MREG: variants seen among roughly 807,000 people sequenced by gnomAD.
MREG encodes the protein dilute suppressor protein homolog.
Under a neutral mutation model 28.5 loss-of-function variants are expected in MREG, and 31 were observed. The ratio of observed to expected loss-of-function variants is 1.09; its 90% confidence interval spans 0.82 to 1.47. The LOEUF (loss-of-function observed/expected upper bound fraction) is 1.47, where lower values mean the gene tolerates loss of function less well. MREG is among the 40% of genes most tolerant of loss of function. MREG has a pLI of 0.00. For synonymous variants in MREG, 106 were observed against 95.2 expected, an observed-to-expected ratio of 1.11 and a Z score of -0.66; for missense variants, 256 against 257.4, an observed-to-expected ratio of 0.99 and a Z score of 0.04.
intron 2 of MREG, among the ~76,000 whole-genome samples, chr2:215,965,479 C>G (rs1692915382): frequency 6.6e-6 from 1 of 152,118 alleles, no homozygotes; most frequent in Non-Finnish European, 1.5e-5. Context: ...GCAGGGGATA[C>G]AGAGGGAGGA....
At chr2:216,004,564 CA>C (rs5838561) in intron 1 of MREG, among the ~76,000 whole-genome samples, 76,689 of 145,982 alleles carry the variant, frequency 0.53, 19,957 homozygotes, top group East Asian at 0.65. Flanking sequence ...AAAAAACAAA[CA>C]AAAAAAAAAA....
At chr2:216,031,669 AAGAAAGAAAGAAAGAAAGAAAGAGAAAG>A (rs1559204070) in intron 1 of MREG, among the ~76,000 whole-genome samples, 1 of 81,406 alleles carries the variant, frequency 1.2e-5, no homozygotes, top group East Asian at 3.7e-4. Flanking sequence ...GAAAGAAAGA[AAGAAAGAAAGAAAGAAAGAAAGAGAAAG>A]AAAGAAAGAA....
chr2:215,960,342 G>A (rs1050863924), intron 2 of MREG, among the ~76,000 whole-genome samples: 8 of 152,180 alleles, frequency 5.3e-5, no homozygotes, highest in African/African-American at 1.7e-4. Context: ...GATTCGCCCA[G>A]GTCCTAACCA....
At chr2:216,019,147 T>G (rs1368514804) in intron 1 of MREG, among the ~76,000 whole-genome samples, 1 of 152,246 alleles carries the variant, frequency 6.6e-6, no homozygotes, top group Non-Finnish European at 1.5e-5. Flanking sequence ...ACTCCCATCA[T>G]TCTATGGGTT....
chr2:216,026,208 TGAA>T (rs1694592067), intron 1 of MREG, among the ~76,000 whole-genome samples: 1 of 152,188 alleles, frequency 6.6e-6, no homozygotes, highest in Non-Finnish European at 1.5e-5. Context: ...GGACAGAATA[TGAA>T]GAACAACTGC....
chr2:215,966,098 C>T (rs188195970), intron 2 of MREG, among the ~76,000 whole-genome samples: 6 of 152,038 alleles, frequency 3.9e-5, no homozygotes, highest in Admixed American at 6.5e-5. Flanking sequence ...GCACTGTACA[C>T]CTTACTTAGA....
chr2:215,944,945 C>G lies in MREG; in HGVS notation c.563G>C (p.Arg188Pro), dbSNP rs543536857. The G allele has an allele frequency of 2.5e-6, 4 of 1,607,434 alleles. No individual in the cohort carries two copies. In the African/African-American group the frequency reaches 5.3e-5, roughly 21 times the overall value. The change falls in exon 5 of 5, where the codon CGA (arginine) becomes CCA (proline). Residue 188 changes from arginine to proline, a missense_variant. Transcript: ENST00000263268. Reference protein sequence around the residue: ...AAEEFFKLARRTYPKKPGVPC... With the variant: ...AAEEFFKLARPTYPKKPGVPC... Reference sequence around the variant, plus strand: ...AACCCCAGGCTTCTTGGGGTAAGTTCGACGAGCAAGCTTAAAGAACTCTTC... The same window carrying G: ...AACCCCAGGCTTCTTGGGGTAAGTTGGACGAGCAAGCTTAAAGAACTCTTC...
In MREG at chr2:215,996,472, T is replaced by C. The variant is rs761322900; in HGVS notation, c.96-7A>G. ...GGAATATGGATTGTTATCACTGTTG[T>C]ATAAAAAAAGGAAAGATTGGGGTTT... is the stretch of plus-strand genomic sequence containing the variant. On this transcript the variant is annotated splice_region_variant and splice_polypyrimidine_tract_variant and intron_variant, in intron 1 of 4. Coordinates refer to ENST00000263268, the MANE Select transcript of MREG (RefSeq NM_018000.3). 1.9e-6 allele frequency: 3 copies of C among 1,600,220 alleles called. No individual in the cohort carries two copies. Among genetic ancestry groups the C allele is most frequent in the African/African-American group, 1.3e-5 (1 of 74,090 alleles).
Position 215,975,209 on chromosome 2 carries a change from A to G in MREG, c.255+21097T>C, listed in dbSNP as rs548311100. Among the ~76,000 whole-genome samples the G allele has an allele frequency of 2.0e-5, 3 of 152,112 alleles. 1 individual carries two copies. In the South Asian group the frequency reaches 6.2e-4, roughly 32 times the overall value. ...TAACATTATACATACCCATTTAGCA[A>G]TAGATCATAACCGTCTTTCTAAGTC... On this transcript the variant is annotated intron_variant, in intron 2 of 4. Coordinates refer to ENST00000263268, the MANE Select transcript of MREG (RefSeq NM_018000.3).
intron 2 of MREG, among the ~76,000 whole-genome samples, chr2:215,995,828 A>T (rs1693857722): frequency 6.6e-6 from 1 of 152,154 alleles, no homozygotes. Flanking sequence ...TCTCAAATAA[A>T]TAGTGGATCC....
chr2:215,966,949 C>A (rs1342668279), intron 2 of MREG, among the ~76,000 whole-genome samples: 2 of 152,114 alleles, frequency 1.3e-5, no homozygotes, highest in African/African-American at 4.8e-5. Flanking sequence ...CATTTTTACA[C>A]CCCCATAATC....
chr2:215,973,529 G>A (rs1228285901), intron 2 of MREG, among the ~76,000 whole-genome samples: 5 of 152,144 alleles, frequency 3.3e-5, no homozygotes, highest in African/African-American at 2.4e-5. Flanking sequence ...TCCCCCAAAT[G>A]TTAAGTGATT....
In MREG at chr2:216,003,289, T is replaced by C. The variant is rs571119939; in HGVS notation, c.96-6824A>G. Among the ~76,000 whole-genome samples, 5 of 152,250 alleles carry C rather than the reference T, an allele frequency of 3.3e-5. No homozygotes were observed. The South Asian group carries it at 1.0e-3, about 32-fold the overall frequency. On this transcript the variant is annotated intron_variant, in intron 1 of 4. Transcript: ENST00000263268. ...CCCCTTTCCTGGCATCCCACTCTGA[T>C]GTGCTCCTACCATTTGGGCTTTCTA...
At position 215,949,075 on chromosome 2, in the gene MREG, C is replaced by CTAA. The variant is rs749047005; in HGVS notation, c.256-1963_256-1962insTTA. Among the ~76,000 whole-genome samples the CTAA allele has an allele frequency of 6.0e-3, 611 of 102,404 alleles. 1 individual carries two copies. The highest frequency in any genetic ancestry group is 0.028 in the Middle Eastern group (6 of 218). 67.2% of individuals were successfully genotyped at this position (102,404 alleles called of 152,430 possible). On this transcript the variant is annotated intron_variant, in intron 2 of 4. Coordinates refer to ENST00000263268, the MANE Select transcript of MREG (RefSeq NM_018000.3). The stretch of plus-strand genomic sequence containing the variant: ...ACTACTACTACTACTACTACTACTA[C>CTAA]TACTACTACTACTAATAATAATAAT...
chr2:215,947,147 C>T (rs770065059), intron 2 of MREG, 34 bp from the exon 3 acceptor site: 3 of 1,433,374 alleles, frequency 2.1e-6, no homozygotes, highest in African/African-American at 2.8e-5. Context: ...TTTATTTATA[C>T]CCCTTGGCTT....
intron 2 of MREG, among the ~76,000 whole-genome samples, chr2:215,982,912 AG>A (rs1428275581): frequency 2.6e-5 from 4 of 152,316 alleles, no homozygotes; most frequent in Admixed American, 2.0e-4. Flanking sequence ...CTTAGCATAC[AG>A]GGTAATATTC....
chr2:215,947,239 A>C (rs186846864), intron 2 of MREG, 126 bp from the exon 3 acceptor site: 2 of 628,386 alleles, frequency 3.2e-6, no homozygotes, highest in Admixed American at 2.9e-5. Context: ...CAAGCCTAAA[A>C]GAAGAGAAGG....
chr2:215,972,709 A>T (rs1318397166), intron 2 of MREG, among the ~76,000 whole-genome samples: 1 of 152,182 alleles, frequency 6.6e-6, no homozygotes, highest in African/African-American at 2.4e-5. Flanking sequence ...ATGGGTGCAA[A>T]AATTATCTAA....
At chr2:215,956,137 G>A (rs898269861) in intron 2 of MREG, among the ~76,000 whole-genome samples, 5 of 152,090 alleles carry the variant, frequency 3.3e-5, no homozygotes, top group African/African-American at 4.8e-5. Context: ...CTTTTAGGTC[G>A]AAAAAAATCA....
Sources: gnomAD v4.1 joint callset for allele counts (sites outside exome capture counted in the v4.1 genomes callset) on GRCh38, gnomAD v4.1.1 for gene constraint, MANE v1.5 for transcripts, NCBI Gene and HGNC (gene_info 2026-07-23, HGNC 2026-07-21) for gene names.